SCN2A: variants seen among roughly 807,000 people sequenced by gnomAD.
SCN2A encodes the protein sodium channel protein type 2 subunit alpha.
SCN2A carries 20 observed loss-of-function variants against 188.7 expected under a neutral mutation model. The observed-to-expected ratio is 0.11, with a 90% CI of 0.07 to 0.15. The LOEUF (loss-of-function observed/expected upper bound fraction) is 0.15. Ranked by LOEUF, SCN2A falls within the 10% of genes least tolerant of loss-of-function variation. The pLI is 1.00. For missense variants in SCN2A, 1,278 were observed against 2,445.0 expected (o/e 0.52, Z 10.07); for synonymous variants, 804 against 833.1 (o/e 0.97, Z 0.60).
At chr2:165,280,527 A>G (rs1171263373) in intron 1 of SCN2A, among the ~76,000 whole-genome samples, 1 of 152,038 alleles carries the variant, frequency 6.6e-6, no homozygotes. Context: ...CATTTTTTCC[A>G]CTTCAGCACC....
rs757159972 is a variant in SCN2A, at chr2:165,388,996, C to A, written c.5190C>A (p.Asp1730Glu). 1 of 1,614,140 alleles carries A rather than the reference C, an allele frequency of 6.2e-7. No homozygotes were observed. Among genetic ancestry groups the A allele is most frequent in the South Asian group, 1.1e-5 (1 of 91,078 alleles). ...CTATTCTTAATAGTGGACCTCCAGA[C>A]TGTGACCCTGACAAAGATCACCCTG... ...LAPILNSGPP[D>E]CDPDKDHPGS... Residue 1730 changes from aspartate to glutamate, a missense_variant, in exon 27 of 27, where the codon GAC becomes GAA. This residue lies in a region of SCN2A where 47 missense variants were observed against 109.0 expected (regional missense o/e 0.43). Coordinates refer to ENST00000375437, the MANE Select transcript of SCN2A (RefSeq NM_001040142.2).
intron 25 of SCN2A, among the ~76,000 whole-genome samples, chr2:165,386,088 C>T (rs969079644): frequency 6.6e-6 from 1 of 152,108 alleles, no homozygotes; most frequent in Non-Finnish European, 1.5e-5. Context: ...ATAAAATACA[C>T]TACTTTCTTT....
At chr2:165,341,382 C>T (rs750796458) in intron 14 of SCN2A, among the ~76,000 whole-genome samples, 2 of 152,188 alleles carry the variant, frequency 1.3e-5, no homozygotes, top group African/African-American at 4.8e-5. Context: ...CGTGAGCCAC[C>T]GCGCCCGGCC....
At chr2:165,278,500 G>T (rs559719028) in intron 1 of SCN2A, among the ~76,000 whole-genome samples, 1 of 152,078 alleles carries the variant, frequency 6.6e-6, no homozygotes, top group South Asian at 2.1e-4. Context: ...AACAGCACTG[G>T]GGAAACCACC....
At chr2:165,274,678 A>G (rs1470559262) in intron 1 of SCN2A, among the ~76,000 whole-genome samples, 8 of 152,206 alleles carry the variant, frequency 5.3e-5, no homozygotes, top group Admixed American at 1.3e-4. Context: ...TAAGATTTCA[A>G]CAAATATTTC....
chr2:165,317,018 A>G (rs940221662), intron 11 of SCN2A, among the ~76,000 whole-genome samples: 5 of 152,158 alleles, frequency 3.3e-5, no homozygotes, highest in Admixed American at 2.0e-4. Flanking sequence ...GAAATTTACA[A>G]TATAACTTTA....
intron 14 of SCN2A, 50 bp downstream of exon 14, chr2:165,331,618 C>G (rs765607911): frequency 2.1e-6 from 3 of 1,413,462 alleles, no homozygotes; most frequent in Non-Finnish European, 3.0e-6. Flanking sequence ...TTATAATTGC[C>G]TTAGTGAATT....
intron 1 of SCN2A, among the ~76,000 whole-genome samples, chr2:165,287,291 T>C (rs1228070752): frequency 6.6e-6 from 1 of 152,166 alleles, no homozygotes; most frequent in East Asian, 1.9e-4. Flanking sequence ...GCTGTACACA[T>C]GTGCAGTGAT....
chr2:165,324,855 C>G (rs541425126), intron 12 of SCN2A, among the ~76,000 whole-genome samples: 1 of 152,156 alleles, frequency 6.6e-6, no homozygotes, highest in South Asian at 2.1e-4. Context: ...TTCTTTAAAT[C>G]AAAAAGAAGA....
intron 1 of SCN2A, among the ~76,000 whole-genome samples, chr2:165,284,579 C>G (rs1398943368): frequency 6.6e-6 from 1 of 152,086 alleles, no homozygotes; most frequent in Non-Finnish European, 1.5e-5. Context: ...TTAGAGGCTG[C>G]TTTTTCTCCC....
intron 1 of SCN2A, chr2:165,273,300 CTCTGTTCTGAGATATGTGACAAAACCA>C (rs2106108589): frequency 6.6e-6 from 1 of 152,160 alleles, no homozygotes; most frequent in South Asian, 2.1e-4. Context: ...GTTGTGAAAT[CTCTGTTCTGAGATATGTGACAAAACCA>C]TCTGTCTCTG....
intron 12 of SCN2A, among the ~76,000 whole-genome samples, chr2:165,324,753 G>C (rs968273450): frequency 1.3e-5 from 2 of 152,086 alleles, no homozygotes; most frequent in Non-Finnish European, 2.9e-5. Flanking sequence ...GCTTGTGCGT[G>C]GTGGAGCTAA....
chr2:165,372,988 G>T, intron 20 of SCN2A: 2 of 403,650 alleles, frequency 5.0e-6, no homozygotes, highest in Middle Eastern at 7.6e-4. Context: ...TTTTTTATAA[G>T]TGTTCGCAGA....
rs1449263336 is a variant in SCN2A at position 165,389,566 on chromosome 2, C to T, written c.5760C>T (p.Leu1920=). 19 of 1,613,726 alleles carry T rather than the reference C, an allele frequency of 1.2e-5. No homozygotes were observed. Among genetic ancestry groups the T allele is most frequent in the Admixed American group, 5.0e-5 (3 of 59,924 alleles). The part of the protein sequence containing the change: ...IIIQRAYRRY[L]LKQKVKKVSS... ...TCCAGAGGGCTTACAGACGCTACCT[C>T]TTGAAGCAAAAAGTTAAAAAGGTAT... Residue 1920 remains leucine, a synonymous_variant, in exon 27 of 27, where the codon CTC becomes CTT. Transcript: ENST00000375437. This position sits in a 1 kb window ranked among gnomAD's most constrained non-coding sequence, Gnocchi z 4.2.
intron 18 of SCN2A, among the ~76,000 whole-genome samples, chr2:165,366,748 A>G (rs1044466510): frequency 1.3e-5 from 2 of 151,286 alleles, no homozygotes; most frequent in African/African-American, 4.9e-5. Flanking sequence ...GAATAGTTAT[A>G]TTAATTATAG....
At position 165,350,460 on chromosome 2, in the gene SCN2A, C is replaced by CTTTTTTTTTTTTTTTTTTT. The variant is rs796595702; in HGVS notation, c.2920-3729_2920-3728insTTTTTTTTTTTTTTTTTTT. Among the ~76,000 whole-genome samples the CTTTTTTTTTTTTTTTTTTT allele has an allele frequency of 2.1e-4, 16 of 77,928 alleles. 2 individuals carry two copies. Among genetic ancestry groups the CTTTTTTTTTTTTTTTTTTT allele is most frequent in the African/African-American group, 4.8e-4 (11 of 23,034 alleles). The allele number at this position is 77,928 out of a possible 152,430, so 51.1% of individuals were successfully genotyped here. A position where few individuals can be genotyped will look rare whatever the true frequency, so the allele number is the denominator to read the frequency against. On this transcript the variant is annotated intron_variant, in intron 16 of 26. Coordinates refer to ENST00000375437, the MANE Select transcript of SCN2A (RefSeq NM_001040142.2). ...CTGAGTGAGCTTGCTGAACTGTTTT[C>CTTTTTTTTTTTTTTTTTTT]TTTCTTTTTTTTTTTTTTTTTTTTT...
intron 22 of SCN2A, among the ~76,000 whole-genome samples, chr2:165,376,453 TC>T (rs1370063829): frequency 2.0e-5 from 3 of 152,050 alleles, no homozygotes; most frequent in African/African-American, 7.2e-5. Flanking sequence ...ATAAAATTTT[TC>T]TTCCTCTGTG....
chr2:165,382,968 G>A (rs930051931), intron 25 of SCN2A, among the ~76,000 whole-genome samples: 6 of 152,130 alleles, frequency 3.9e-5, no homozygotes, highest in African/African-American at 1.2e-4. Context: ...AAATGACATG[G>A]ATTTACCTGT....
At chr2:165,314,332 A>T (rs1218546036) in intron 10 of SCN2A, among the ~76,000 whole-genome samples, 1 of 152,232 alleles carries the variant, frequency 6.6e-6, no homozygotes. Flanking sequence ...TAATTGCTTT[A>T]CTGACATTTT....
Sources: gnomAD v4.1 joint callset for allele counts (sites outside exome capture counted in the v4.1 genomes callset) on GRCh38, gnomAD v4.1.1 for gene constraint, gnomAD v4.1.1 regional missense constraint, Gnocchi (gnomAD v3.1) non-coding constraint, MANE v1.5 for transcripts, NCBI Gene and HGNC (gene_info 2026-07-23, HGNC 2026-07-21) for gene names.